The following KHDC1 variants were observed in gnomAD, a reference collection of about 807,000 sequenced individuals.
KHDC1 encodes KH domain containing 1, also known as KH homology domain-containing protein 1.
Under a neutral mutation model 24.7 loss-of-function variants are expected in KHDC1, and 21 were observed. That is an observed-to-expected ratio of 0.85 (90% confidence interval 0.60 to 1.23). KHDC1 has a LOEUF of 1.23. Among genes scored for constraint, KHDC1 ranks in the 50% most tolerant of loss-of-function variants. The pLI is 0.00. For missense variants in KHDC1, 274 were observed against 298.5 expected (o/e 0.92, Z 0.61); for synonymous variants, 98 against 111.7 (o/e 0.88, Z 0.77).
Position 73,282,738 on chromosome 6 carries a change from C to T in KHDC1, c.206+9260G>A, listed in dbSNP as rs144939575. Among the ~76,000 whole-genome samples the T allele has an allele frequency of 2.6e-3, 389 of 152,194 alleles. 3 individuals carry two copies. Among genetic ancestry groups the T allele is most frequent in the African/African-American group, 8.8e-3 (364 of 41,532 alleles). On this transcript the variant is annotated intron_variant, in intron 2 of 4. Transcript: ENST00000370384. ...TAAACTGGCTCATCTGATCTTGTGG[C>T]CCCCACCCAGGAACTGACTCCGTGC...
intron 2 of KHDC1, among the ~76,000 whole-genome samples, chr6:73,244,007 A>T (rs1401308611): frequency 6.6e-6 from 1 of 152,188 alleles, no homozygotes; most frequent in African/African-American, 2.4e-5. Flanking sequence ...CTCCCAGAGT[A>T]TAGATGAAGA....
intron 2 of KHDC1, among the ~76,000 whole-genome samples, chr6:73,279,727 C>T (rs985736057): frequency 4.0e-5 from 6 of 151,790 alleles, no homozygotes; most frequent in Non-Finnish European, 7.4e-5. Flanking sequence ...CTATAGGCAC[C>T]CACCACCACA....
intron 1 of KHDC1, among the ~76,000 whole-genome samples, chr6:73,308,509 C>CTT (rs544863361): frequency 7.0e-6 from 1 of 143,246 alleles, no homozygotes; most frequent in South Asian, 2.2e-4. Context: ...CCGCGTCCGG[C>CTT]TTTTTTTTTT....
At chr6:73,246,172 A>G (rs1003348995) in intron 2 of KHDC1, among the ~76,000 whole-genome samples, 1 of 152,140 alleles carries the variant, frequency 6.6e-6, no homozygotes, top group African/African-American at 2.4e-5. Flanking sequence ...TACTGCCTAT[A>G]TAAATATTTG....
intron 2 of KHDC1, among the ~76,000 whole-genome samples, chr6:73,276,970 G>A (rs960632836): frequency 6.6e-6 from 1 of 152,178 alleles, no homozygotes; most frequent in East Asian, 1.9e-4. Flanking sequence ...AATTACAAAA[G>A]GTTGGTTCAG....
Position 73,263,209 on chromosome 6 carries a change from G to T in KHDC1, c.207-20679C>A. 1 of 987,166 alleles carries T rather than the reference G, an allele frequency of 1.0e-6. No individual in the cohort carries two copies. The highest frequency in any genetic ancestry group is 1.2e-6 in the Non-Finnish European group (1 of 830,830). The allele number at this position is 987,166 out of a possible 1,614,324, so 61.2% of individuals were successfully genotyped here. Reference sequence around the variant, plus strand: ...CTCGAGCGGAAGTGGCGGCGACCCCGCCGGAAGCGCGCGGCTGCGGCGCGG... The same window carrying T: ...CTCGAGCGGAAGTGGCGGCGACCCCTCCGGAAGCGCGCGGCTGCGGCGCGG... On this transcript the variant is annotated intron_variant, in intron 2 of 4. Coordinates refer to ENST00000370384, the Ensembl canonical transcript of KHDC1.
intron 2 of KHDC1, 28 bp from the exon 1 acceptor site, chr6:73,263,224 C>T: frequency 1.0e-6 from 1 of 986,816 alleles, no homozygotes; most frequent in Non-Finnish European, 1.2e-6. Flanking sequence ...AAGCGCGCGG[C>T]TGCGGCGCGG....
chr6:73,262,326 G>T (rs1296182974), intron 2 of KHDC1, among the ~76,000 whole-genome samples: 1 of 152,192 alleles, frequency 6.6e-6, no homozygotes, highest in African/African-American at 2.4e-5. Flanking sequence ...AACCTTTCCT[G>T]CCCTTTTCCT....
chr6:73,277,502 A>G (rs1180778563), intron 2 of KHDC1, among the ~76,000 whole-genome samples: 1 of 152,178 alleles, frequency 6.6e-6, no homozygotes, highest in African/African-American at 2.4e-5. Context: ...TTTCTTTATC[A>G]TGATTTTCAG....
At position 73,301,671 on chromosome 6, in the gene KHDC1, G is replaced by C. The variant is rs568722092; in HGVS notation, c.163+7881C>G. On this transcript the variant is annotated intron_variant, in intron 1 of 4. Coordinates refer to ENST00000370384, the Ensembl canonical transcript of KHDC1. The stretch of plus-strand genomic sequence containing the variant: ...CTTAGAGACAGTGTCTCACTCTCTT[G>C]CCCAGTCTGGAGTACAGTGGCACAA... Among the ~76,000 whole-genome samples, 4 of 151,800 alleles carry C rather than the reference G, an allele frequency of 2.6e-5. No homozygotes were observed. In the East Asian group the frequency reaches 7.7e-4, roughly 29 times the overall value.
chr6:73,277,687 T>TA (rs60748912), intron 2 of KHDC1, among the ~76,000 whole-genome samples: 15 of 151,490 alleles, frequency 9.9e-5, no homozygotes, highest in South Asian at 4.2e-4. Flanking sequence ...CTTGTCTCTA[T>TA]AAAAAAAACT....
intron 2 of KHDC1, among the ~76,000 whole-genome samples, chr6:73,244,812 A>G (rs1196350929): frequency 6.6e-6 from 1 of 152,110 alleles, no homozygotes; most frequent in Non-Finnish European, 1.5e-5. Flanking sequence ...GCGCACCTGC[A>G]GTCCCAGCTA....
chr6:73,253,003 AT>A (rs1006475608), intron 2 of KHDC1, among the ~76,000 whole-genome samples: 3 of 152,306 alleles, frequency 2.0e-5, no homozygotes, highest in Non-Finnish European at 4.4e-5. Flanking sequence ...TTTTAAAATA[AT>A]TCCTAAACTA....
intron 1 of KHDC1, chr6:73,309,480 GA>G: frequency 7.1e-7 from 1 of 1,415,328 alleles, no homozygotes; most frequent in Admixed American, 2.8e-5. Context: ...AAAGATCCCG[GA>G]AGCGAAACTC....
intron 2 of KHDC1, among the ~76,000 whole-genome samples, chr6:73,243,950 C>T: frequency 6.6e-6 from 1 of 152,082 alleles, no homozygotes; most frequent in Non-Finnish European, 1.5e-5. Context: ...TTTTGGACCG[C>T]CTTTTCTAGT....
chr6:73,274,456 A>C (rs1019619608), intron 2 of KHDC1: 8 of 152,128 alleles, frequency 5.3e-5, no homozygotes, highest in African/African-American at 1.9e-4. Flanking sequence ...CCCCACCCAG[A>C]TCTCACCTTG....
Position 73,247,366 on chromosome 6 carries a change from T to C in KHDC1, c.207-4836A>G, listed in dbSNP as rs191851716. Among the ~76,000 whole-genome samples, 436 of 152,286 alleles carry C rather than the reference T, an allele frequency of 2.9e-3. 2 individuals carry two copies. Among genetic ancestry groups the C allele is most frequent in the African/African-American group, 9.6e-3 (400 of 41,554 alleles). On this transcript the variant is annotated intron_variant, in intron 2 of 4. Coordinates refer to ENST00000370384, the Ensembl canonical transcript of KHDC1. Reference sequence around the variant, plus strand: ...CCTCAGGACTTTCTGATTTCAAGATTTGGGGCAAGTAGCTCCAAAATAAAA... The same window carrying C: ...CCTCAGGACTTTCTGATTTCAAGATCTGGGGCAAGTAGCTCCAAAATAAAA...
chr6:73,309,463 G>T, intron 1 of KHDC1: 1 of 1,309,320 alleles, frequency 7.6e-7, no homozygotes, highest in South Asian at 1.6e-5. Flanking sequence ...GAGCTGGAGT[G>T]ATCCTGAAAG....
intron 2 of KHDC1, among the ~76,000 whole-genome samples, chr6:73,266,187 T>C (rs146003478): frequency 1.3e-5 from 2 of 152,262 alleles, no homozygotes; most frequent in African/African-American, 4.8e-5. Context: ...GTGATCAGAG[T>C]ATAGTACCTT....
Sources: gnomAD v4.1 joint callset for allele counts (sites outside exome capture counted in the v4.1 genomes callset) on GRCh38, gnomAD v4.1.1 for gene constraint, MANE v1.5 for transcripts, NCBI Gene and HGNC (gene_info 2026-07-23, HGNC 2026-07-21) for gene names.